TBC1D3G: variants seen among roughly 807,000 people sequenced by gnomAD.
The protein encoded by TBC1D3G is TBC1 domain family member 3G.
chr17:36,332,828 GC>G lies in TBC1D3G; in HGVS notation c.999del (p.Arg334GlyfsTer14). The G allele has an allele frequency of 1.3e-6, 1 of 752,862 alleles. No individual in the cohort carries two copies. Among genetic ancestry groups the G allele is most frequent in the Non-Finnish European group, 1.8e-6 (1 of 543,224 alleles). 46.6% of individuals were successfully genotyped at this position (752,862 alleles called of 1,614,324 possible). On this transcript the variant is annotated frameshift_variant, in exon 13 of 14. Coordinates refer to ENST00000569055, the MANE Select transcript of TBC1D3G (RefSeq NM_001291462.2). LOFTEE classifies it high-confidence loss of function. ...TTGCAACCGGTTCGTTGATACCTGG[GC>G]CAGGGATGAGGACACTGTGCTCAAG... Reference protein sequence around the residue: ...RFCNRFVDTWARDEDTVLKHL... With the variant: ...RFCNRFVDTWXRDEDTVLKHL...
chr17:36,332,592 TC>T (rs1188128708), intron 12 of TBC1D3G, among the ~76,000 whole-genome samples, 167 bp from the exon 13 acceptor site: 1 of 122,418 alleles, frequency 8.2e-6, no homozygotes, highest in Non-Finnish European at 1.7e-5. Flanking sequence ...GGTGAGCACT[TC>T]CCTGTCCGGA....
At chr17:36,330,733 CCCCAAAG>C in intron 9 of TBC1D3G, among the ~76,000 whole-genome samples, 165 bp downstream of exon 9, 2 of 113,286 alleles carry the variant, frequency 1.8e-5, no homozygotes, top group South Asian at 7.9e-4. Flanking sequence ...CACGGCTGAC[CCCCAAAG>C]CCCAAATCAG....
At chr17:36,322,175 GGAA>G (rs1770311650), upstream of TBC1D3G, among the ~76,000 whole-genome samples, 1 of 145,972 alleles carries the variant, frequency 6.9e-6, no homozygotes. Context: ...GTAAGTTTCC[GGAA>G]CTGCAAGTCA....
intron 3 of TBC1D3G, among the ~76,000 whole-genome samples, chr17:36,326,450 G>C (rs2069386914): frequency 1.0e-5 from 1 of 96,146 alleles, no homozygotes; most frequent in Non-Finnish European, 2.3e-5. Context: ...CTGACGAGCG[G>C]TGCCACTTCT....
chr17:36,317,699 C>T, the TBC1D3G span, among the ~76,000 whole-genome samples: 2 of 149,224 alleles, frequency 1.3e-5, no homozygotes, highest in Non-Finnish European at 3.0e-5. Flanking sequence ...TCCATAAGTG[C>T]TTAAACACCA....
At chr17:36,318,472 A>AAAAAAAAAAAAAAAAAG in the TBC1D3G span, among the ~76,000 whole-genome samples, 1 of 104,144 alleles carries the variant, frequency 9.6e-6, no homozygotes, top group African/African-American at 3.6e-5. Context: ...AAAAAAAAAA[A>AAAAAAAAAAAAAAAAAG]AAAGAAAGGA....
the TBC1D3G span, among the ~76,000 whole-genome samples, chr17:36,317,676 G>A: frequency 6.7e-6 from 1 of 149,838 alleles, no homozygotes; most frequent in Non-Finnish European, 1.5e-5. Context: ...TTTAACAGGT[G>A]ATAATTTTAT....
chr17:36,330,983 CAGG>C (rs1258288765), intron 9 of TBC1D3G, among the ~76,000 whole-genome samples: 1 of 962 alleles, frequency 1.0e-3, no homozygotes, highest in African/African-American at 3.5e-3. Context: ...ACCCCACTAC[CAGG>C]AGATGACCGG....
chr17:36,332,435 G>A (rs2069406421), intron 12 of TBC1D3G, 46 bp downstream of exon 12: 2 of 817,420 alleles, frequency 2.4e-6, no homozygotes, highest in Admixed American at 6.5e-5. Flanking sequence ...CCTGGGGTCA[G>A]ACCCCGACTG....
chr17:36,318,437 A>G, the TBC1D3G span, among the ~76,000 whole-genome samples: 1 of 27,716 alleles, frequency 3.6e-5, no homozygotes, highest in Non-Finnish European at 7.3e-5. Context: ...CTTTGTCTCA[A>G]AAAAAAAAAA....
the TBC1D3G span, among the ~76,000 whole-genome samples, chr17:36,317,639 G>T: frequency 6.7e-6 from 1 of 149,290 alleles, no homozygotes; most frequent in South Asian, 2.1e-4. Flanking sequence ...CATATTCTTT[G>T]TCCATTCCAT....
chr17:36,326,381 C>A (rs1244168170), intron 3 of TBC1D3G, among the ~76,000 whole-genome samples: 1 of 128,306 alleles, frequency 7.8e-6, no homozygotes, highest in Non-Finnish European at 1.7e-5. Context: ...GGAGCCCATC[C>A]CTCAGGGATC....
At chr17:36,317,557 G>A in the TBC1D3G span, among the ~76,000 whole-genome samples, 1 of 132,130 alleles carries the variant, frequency 7.6e-6, no homozygotes, top group South Asian at 2.7e-4. Flanking sequence ...TTCACTAATA[G>A]GCTTAATCAA....
the TBC1D3G span, among the ~76,000 whole-genome samples, chr17:36,317,690 C>T: frequency 6.7e-6 from 1 of 149,732 alleles, no homozygotes; most frequent in Non-Finnish European, 1.5e-5. Flanking sequence ...ATTTTATATT[C>T]CATAAGTGCT....
chr17:36,317,648 A>G, the TBC1D3G span, among the ~76,000 whole-genome samples: 2 of 149,448 alleles, frequency 1.3e-5, no homozygotes, highest in South Asian at 2.1e-4. Context: ...TGTCCATTCC[A>G]TTTACTATGC....
At chr17:36,328,384 ACCTTCCTTCTGT>A in intron 6 of TBC1D3G, 102 bp from the exon 7 acceptor site, 1 of 5,690 alleles carries the variant, frequency 1.8e-4, no homozygotes, top group Non-Finnish European at 3.3e-4. Context: ...GCAGAAGGAA[ACCTTCCTTCTGT>A]CCTTCCTTCC....
upstream of TBC1D3G, among the ~76,000 whole-genome samples, chr17:36,323,715 G>A (rs1190101012): frequency 7.9e-6 from 1 of 127,082 alleles, no homozygotes; most frequent in East Asian, 4.0e-4. Context: ...GTGCACGCAC[G>A]TGCACAAACA....
chr17:36,317,963 A>G, the TBC1D3G span, among the ~76,000 whole-genome samples: 1 of 99,666 alleles, frequency 1.0e-5, no homozygotes, highest in African/African-American at 6.4e-5. Flanking sequence ...TTTTCCATAT[A>G]TGGGCTTATT....
chr17:36,326,417 TG>T (rs2069386569), intron 3 of TBC1D3G, among the ~76,000 whole-genome samples: 1 of 117,640 alleles, frequency 8.5e-6, no homozygotes, highest in Non-Finnish European at 1.9e-5. Flanking sequence ...AGAGGATCCC[TG>T]GGGAGGTAGG....
Sources: allele counts gnomAD v4.1 joint callset (sites outside exome capture counted in the v4.1 genomes callset), GRCh38; gene constraint gnomAD v4.1.1; transcripts MANE v1.5; gene names NCBI Gene and HGNC (gene_info 2026-07-23, HGNC 2026-07-21).